The following NDRG3 variants were observed in gnomAD, a reference collection of about 807,000 sequenced individuals.
NDRG3 encodes the protein protein NDRG3.
Under a neutral mutation model 57.2 loss-of-function variants are expected in NDRG3, and 23 were observed. That is an observed-to-expected ratio of 0.40 (90% confidence interval 0.29 to 0.57). The LOEUF is 0.57. Ranked by LOEUF, NDRG3 falls within the 20% of genes least tolerant of loss-of-function variation. The pLI is 0.42. For missense variants in NDRG3, 384 were observed against 457.3 expected, an observed-to-expected ratio of 0.84 and a Z score of 1.46; for synonymous variants, 132 against 162.6, an observed-to-expected ratio of 0.81 and a Z score of 1.43.
rs1978816306 is a variant in NDRG3, at chr20:36,657,873, C to A, written c.859-1341G>T. ...ACTGTATTTTCATGAAGTTTAGGAG[C>A]TGAAACCTGATTAGAACACAGAACA... On this transcript the variant is annotated intron_variant, in intron 13 of 15. Coordinates refer to ENST00000349004, the MANE Select transcript of NDRG3 (RefSeq NM_032013.4). Among the ~76,000 whole-genome samples the A allele has an allele frequency of 5.3e-5, 8 of 152,142 alleles. No individual in the cohort carries two copies. The South Asian group carries it at 1.4e-3, about 28-fold the overall frequency.
intron 3 of NDRG3, among the ~76,000 whole-genome samples, chr20:36,701,740 G>C (rs1293241728): frequency 2.0e-5 from 3 of 151,240 alleles, no homozygotes; most frequent in African/African-American, 7.3e-5. Context: ...TAGAGACAGG[G>C]TTACTCCATG....
At chr20:36,680,957 A>G (rs1600887882) in intron 7 of NDRG3, 55 bp from the exon 8 acceptor site, 3 of 1,411,880 alleles carry the variant, frequency 2.1e-6, no homozygotes, top group Middle Eastern at 1.8e-4. Flanking sequence ...CAGTTCTTCT[A>G]AACAGTTGGA....
chr20:36,673,974 GT>G (rs1980414252), intron 8 of NDRG3, among the ~76,000 whole-genome samples: 1 of 151,726 alleles, frequency 6.6e-6, no homozygotes, highest in African/African-American at 2.4e-5. Context: ...GTGGTGGCAC[GT>G]TATCTGTAAT....
rs765979123 is a variant in NDRG3 at position 36,653,506 on chromosome 20, G to A, written c.*14C>T. 2 of 1,611,682 alleles carry A rather than the reference G, an allele frequency of 1.2e-6. No individual in the cohort carries two copies. The highest frequency in any genetic ancestry group is 4.5e-5 in the East Asian group (2 of 44,820). On this transcript the variant is annotated 3_prime_UTR_variant, in exon 16 of 16. Coordinates refer to ENST00000349004, the MANE Select transcript of NDRG3 (RefSeq NM_032013.4). This position sits in a 1 kb window ranked among gnomAD's most constrained non-coding sequence, Gnocchi z 4.2. ...AAGGATGGACTTGCAATGGTCCAGG[G>A]GAGGAGCATCTGCTTAGCAGGACAC...
chr20:36,705,338 A>G (rs1313506480), intron 3 of NDRG3, among the ~76,000 whole-genome samples: 1 of 136,284 alleles, frequency 7.3e-6, no homozygotes, highest in Non-Finnish European at 1.6e-5. Context: ...AAAAAAAAAG[A>G]AAAGAAAAGA....
chr20:36,741,250 CT>C, intron 1 of NDRG3, among the ~76,000 whole-genome samples: 1 of 152,122 alleles, frequency 6.6e-6, no homozygotes, highest in South Asian at 2.1e-4. Flanking sequence ...GAGCTAGACC[CT>C]GGTCCCTGCT....
In NDRG3 at chr20:36,715,002, G is replaced by A. The variant is rs200454174; in HGVS notation, c.57+6677C>T. On this transcript the variant is annotated intron_variant, in intron 2 of 15. Coordinates refer to ENST00000349004, the MANE Select transcript of NDRG3 (RefSeq NM_032013.4). ...TATATCTGTGTGTGTGTGTGTGTGTGTGTGTATATATATATATATATATAT... is the reference window on the plus strand; with the variant it reads ...TATATCTGTGTGTGTGTGTGTGTGTATGTGTATATATATATATATATATAT... Among the ~76,000 whole-genome samples, 304 of 39,352 alleles carry A rather than the reference G, an allele frequency of 7.7e-3. 1 individual carries two copies. The highest frequency in any genetic ancestry group is 0.026 in the Middle Eastern group (2 of 76). 25.8% of individuals were successfully genotyped at this position (39,352 alleles called of 152,430 possible).
chr20:36,653,595 CTGAT>C lies in NDRG3; in HGVS notation c.1049_1052del (p.Asn350SerfsTer41). The C allele has an allele frequency of 6.2e-7, 1 of 1,614,194 alleles. No homozygotes were observed. Among genetic ancestry groups the C allele is most frequent in the Non-Finnish European group, 8.5e-7 (1 of 1,180,030 alleles). On this transcript the variant is annotated frameshift_variant, in exon 16 of 16. Coordinates refer to ENST00000349004, the MANE Select transcript of NDRG3 (RefSeq NM_032013.4). LOFTEE classifies it high-confidence loss of function. The surrounding 1 kb of genome is among the most constrained non-coding windows in gnomAD (Gnocchi z 4.2). ...CACAGGATTCTTGAGTTCCATCTGACTGATTGCTGGTGACAGACCGGCTGAAGGG... is the reference window on the plus strand; with the variant it reads ...CACAGGATTCTTGAGTTCCATCTGACTGCTGGTGACAGACCGGCTGAAGGG...
chr20:36,674,743 G>A (rs1980506603), intron 8 of NDRG3, among the ~76,000 whole-genome samples: 2 of 151,140 alleles, frequency 1.3e-5, no homozygotes, highest in South Asian at 2.1e-4. Context: ...GACTACAAGC[G>A]TGTACCACCT....
chr20:36,662,424 G>A (rs548836748), intron 12 of NDRG3, among the ~76,000 whole-genome samples: 44 of 152,098 alleles, frequency 2.9e-4, no homozygotes, highest in African/African-American at 9.2e-4. Context: ...CGCCATGTTG[G>A]CCAGGCTGGA....
chr20:36,686,902 G>T (rs1981830571), intron 5 of NDRG3, among the ~76,000 whole-genome samples: 1 of 151,954 alleles, frequency 6.6e-6, no homozygotes, highest in Non-Finnish European at 1.5e-5. Context: ...TCTTTCTGGG[G>T]ACAGGGTCTT....
At chr20:36,716,194 A>G (rs182423531) in intron 2 of NDRG3, among the ~76,000 whole-genome samples, 427 of 152,144 alleles carry the variant, frequency 2.8e-3, no homozygotes, top group Non-Finnish European at 5.2e-3. Flanking sequence ...CTCTGCTTAC[A>G]TGTTGTGATT....
intron 3 of NDRG3, among the ~76,000 whole-genome samples, chr20:36,695,583 G>C (rs1982712141): frequency 1.3e-5 from 2 of 152,202 alleles, no homozygotes; most frequent in African/African-American, 4.8e-5. Context: ...GTTGTAGATA[G>C]GGATGAAACA....
At chr20:36,726,442 C>G (rs549543423) in intron 1 of NDRG3, among the ~76,000 whole-genome samples, 1 of 152,282 alleles carries the variant, frequency 6.6e-6, no homozygotes, top group East Asian at 1.9e-4. Flanking sequence ...CTAATGCATT[C>G]TTCTGGAGAC....
At chr20:36,691,058 C>T (rs1982227760) in intron 3 of NDRG3, among the ~76,000 whole-genome samples, 4 of 152,228 alleles carry the variant, frequency 2.6e-5, no homozygotes, top group Non-Finnish European at 5.9e-5. Flanking sequence ...TTGATGAAGC[C>T]TGTATCTATC....
At chr20:36,720,032 G>A (rs1432490354) in intron 2 of NDRG3, among the ~76,000 whole-genome samples, 10 of 151,096 alleles carry the variant, frequency 6.6e-5, no homozygotes, top group African/African-American at 1.2e-4. Context: ...ACTTGAAACC[G>A]GGAGGCGGAG....
At chr20:36,665,356 G>A in intron 10 of NDRG3, 55 bp from the exon 11 acceptor site, 1 of 1,530,052 alleles carries the variant, frequency 6.5e-7, no homozygotes, top group Non-Finnish European at 9.0e-7. Context: ...TAGCAACTCA[G>A]GTTATTTTCT....
intron 1 of NDRG3, among the ~76,000 whole-genome samples, chr20:36,728,245 G>C (rs112803239): frequency 6.6e-6 from 1 of 151,804 alleles, no homozygotes; most frequent in Admixed American, 6.6e-5. Flanking sequence ...TAGTAGAGAC[G>C]GGGTTTCACT....
chr20:36,677,006 T>C (rs1980788853), intron 8 of NDRG3, among the ~76,000 whole-genome samples: 1 of 152,162 alleles, frequency 6.6e-6, no homozygotes, highest in Non-Finnish European at 1.5e-5. Context: ...CCTGTGCTCT[T>C]GGGGGAACTG....
Sources: allele counts gnomAD v4.1 joint callset (sites outside exome capture counted in the v4.1 genomes callset), GRCh38; gene constraint gnomAD v4.1.1; non-coding constraint Gnocchi (gnomAD v3.1); transcripts MANE v1.5; gene names NCBI Gene and HGNC (gene_info 2026-07-23, HGNC 2026-07-21).